GALNT15: variants seen among roughly 807,000 people sequenced by gnomAD.
GALNT15 encodes the protein polypeptide N-acetylgalactosaminyltransferase 15, also known as UDP-GalNAc transferase T15.
Under a neutral mutation model 66.8 loss-of-function variants are expected in GALNT15, and 67 were observed. That is an observed-to-expected ratio of 1.00 (90% CI 0.82 to 1.23). GALNT15 has a LOEUF of 1.23. Among genes scored for constraint, GALNT15 ranks in the 50% most tolerant of loss-of-function variants. The probability of loss-of-function intolerance (pLI) is 0.00; values close to 1 mark genes in which losing one functional copy is unlikely to be tolerated. For synonymous variants in GALNT15, 313 were observed against 311.5 expected (o/e 1.00, Z -0.05); for missense variants, 827 against 804.3 (o/e 1.03, Z -0.34).
rs1275072409 is a variant in GALNT15 at position 16,181,916 on chromosome 3, T to C, written c.539+6226T>C. ...GCCGCAGCAGAGGCAGTACCTCCTC[T>C]GGACCTCCACTCTGGATCCATCACC... On this transcript the variant is annotated intron_variant, in intron 1 of 9. Transcript: ENST00000339732. The surrounding 1 kb of genome is among the most constrained non-coding windows in gnomAD (Gnocchi z 5.9). 2.6e-5 allele frequency among the ~76,000 whole-genome samples: 4 copies of C among 152,184 alleles called. No individual in the cohort carries two copies. The highest frequency in any genetic ancestry group is 2.1e-4 in the South Asian group (1 of 4,830).
downstream of GALNT15, among the ~76,000 whole-genome samples, chr3:16,236,015 G>T (rs1693203628): frequency 6.8e-6 from 1 of 146,908 alleles, no homozygotes; most frequent in South Asian, 2.2e-4. Context: ...TGAGGCAGGA[G>T]AATCACTTGA....
At chr3:16,213,617 C>T (rs893191333) in intron 6 of GALNT15, among the ~76,000 whole-genome samples, 8 of 152,174 alleles carry the variant, frequency 5.3e-5, no homozygotes, top group African/African-American at 1.9e-4. Flanking sequence ...AATGGGTTCA[C>T]ATTAATGCTT....
rs148847033 is a variant in GALNT15, at chr3:16,228,903, C to T, written c.*1403C>T. On this transcript the variant is annotated 3_prime_UTR_variant, in exon 10 of 10. Coordinates refer to ENST00000339732, the MANE Select transcript of GALNT15 (RefSeq NM_054110.5). ...AATGTCCATGAGTGTGGGAAGAACA[C>T]GGCTCATCTGGAGCACAGCTGAGGC... 6.7e-4 allele frequency: 665 copies of T among 985,406 alleles called. 4 individuals are homozygous for T. In the African/African-American group the frequency reaches 0.011, roughly 16 times the overall value. 61.0% of individuals were successfully genotyped at this position (985,406 alleles called of 1,614,324 possible).
At chr3:16,220,818 G>T (rs1169710293) in intron 8 of GALNT15, among the ~76,000 whole-genome samples, 1 of 152,228 alleles carries the variant, frequency 6.6e-6, no homozygotes, top group Non-Finnish European at 1.5e-5. Flanking sequence ...GCTGGGCTTG[G>T]CAGTGCAGGC....
At chr3:16,221,953 T>C (rs1404050069) in intron 8 of GALNT15, among the ~76,000 whole-genome samples, 2 of 152,300 alleles carry the variant, frequency 1.3e-5, no homozygotes, top group African/African-American at 2.4e-5. Context: ...ATTAAACCCA[T>C]CTAAGCATGA....
At position 16,195,738 on chromosome 3, in the gene GALNT15, T is replaced by C. The variant is rs1482250340; in HGVS notation, c.540-22T>C. On this transcript the variant is annotated intron_variant, in intron 1 of 9. Coordinates refer to ENST00000339732, the MANE Select transcript of GALNT15 (RefSeq NM_054110.5). This position sits in a 1 kb window ranked among gnomAD's most constrained non-coding sequence, Gnocchi z 4.6. ...CTTGTGGCCTTCTCTTCCCCATGGC[T>C]CTCTGGCTCTCTTCCCTGCAGGTGT... 5 of 1,598,546 alleles carry C rather than the reference T, an allele frequency of 3.1e-6. No homozygotes were observed. Among genetic ancestry groups the C allele is most frequent in the Non-Finnish European group, 4.3e-6 (5 of 1,168,968 alleles).
the GALNT15 span, among the ~76,000 whole-genome samples, chr3:16,239,044 A>G: frequency 6.6e-6 from 1 of 152,216 alleles, no homozygotes; most frequent in Non-Finnish European, 1.5e-5. This position sits in a 1 kb window ranked among gnomAD's most constrained non-coding sequence, Gnocchi z 5.2. Context: ...TTACCAGCAC[A>G]AGATGGTCAC....
chr3:16,178,436 A>G (rs942540009), intron 1 of GALNT15, among the ~76,000 whole-genome samples: 4 of 152,170 alleles, frequency 2.6e-5, no homozygotes, highest in African/African-American at 9.7e-5. Context: ...GCGAAGGGAG[A>G]CGATTGGATT....
intron 6 of GALNT15, among the ~76,000 whole-genome samples, chr3:16,216,806 C>T (rs747705875): frequency 6.6e-6 from 1 of 152,196 alleles, no homozygotes; most frequent in Non-Finnish European, 1.5e-5. Flanking sequence ...AGGTCATGTA[C>T]CAGTTAAACG....
intron 8 of GALNT15, among the ~76,000 whole-genome samples, chr3:16,222,003 G>C (rs1183010188): frequency 6.6e-6 from 1 of 152,220 alleles, no homozygotes; most frequent in Non-Finnish European, 1.5e-5. Flanking sequence ...CCATGAAGTT[G>C]ATCCTGTCTG....
At chr3:16,223,464 T>C (rs78814078) in intron 9 of GALNT15, among the ~76,000 whole-genome samples, 2,037 of 152,216 alleles carry the variant, frequency 0.013, 26 homozygotes, top group Middle Eastern at 0.034. Context: ...AAGAAATAAA[T>C]ACACACCTTT....
At position 16,195,664 on chromosome 3, in the gene GALNT15, G is replaced by A. The variant is rs556725236; in HGVS notation, c.540-96G>A. On this transcript the variant is annotated intron_variant, in intron 1 of 9. Transcript: ENST00000339732. This position sits in a 1 kb window ranked among gnomAD's most constrained non-coding sequence, Gnocchi z 4.6. ...CCCATAGGACAGCCATATAATGGGG[G>A]CAGCTCCAGCCAGAGCAAAGGAAGC... is the stretch of plus-strand genomic sequence containing the variant. 6.4e-6 allele frequency: 7 copies of A among 1,090,784 alleles called. No homozygotes were observed. Among genetic ancestry groups the A allele is most frequent in the South Asian group, 1.7e-5 (1 of 58,216 alleles). The allele number at this position is 1,090,784 out of a possible 1,614,324, so 67.6% of individuals were successfully genotyped here.
Position 16,227,475 on chromosome 3 carries a change from A to C in GALNT15, c.1895A>C (p.Gln632Pro), listed in dbSNP as rs1437495885. 1 of 1,614,224 alleles carries C rather than the reference A, an allele frequency of 6.2e-7. No homozygotes were observed. Among genetic ancestry groups the C allele is most frequent in the Non-Finnish European group, 8.5e-7 (1 of 1,180,028 alleles). ...GKARQQWRFD[Q>P]INAVDER is the part of the protein sequence containing the mutation. ...GCCCGCCAGCAGTGGCGTTTTGACC[A>C]GATCAATGCTGTGGATGAACGATGA... is the stretch of plus-strand genomic sequence containing the variant. The change falls in exon 10 of 10, where the codon CAG becomes CCG. Residue 632 changes from glutamine (Q) to proline (P), a missense_variant. Physicochemically the swap from Gln to Pro is moderately conservative, Grantham distance 76. Transcript: ENST00000339732. This position sits in a 1 kb window ranked among gnomAD's most constrained non-coding sequence, Gnocchi z 4.5.
downstream of GALNT15, among the ~76,000 whole-genome samples, chr3:16,231,320 A>G (rs2064079769): frequency 6.6e-6 from 1 of 152,082 alleles, no homozygotes; most frequent in South Asian, 2.1e-4. The surrounding 1 kb of genome is among the most constrained non-coding windows in gnomAD (Gnocchi z 4.1). Flanking sequence ...ACTTAAAGTA[A>G]AATAAATAAT....
Position 16,175,087 on chromosome 3 carries a change from A to G in GALNT15, c.-65A>G. 6.7e-7 allele frequency: 1 copy of G among 1,492,488 alleles called. No homozygotes were observed. The allele number at this position is 1,492,488 out of a possible 1,614,324, so 92.5% of individuals were successfully genotyped here. A position where few individuals can be genotyped will look rare whatever the true frequency, so the allele number is the denominator to read the frequency against. ...AACCCAGGTTCTGCTGCAAGCTTGAAGGAGCCTGGAGCGGGAGAAAGCTAA... is the reference window on the plus strand; with the variant it reads ...AACCCAGGTTCTGCTGCAAGCTTGAGGGAGCCTGGAGCGGGAGAAAGCTAA... On this transcript the variant is annotated 5_prime_UTR_variant, in exon 1 of 10. Coordinates refer to ENST00000339732, the MANE Select transcript of GALNT15 (RefSeq NM_054110.5). The surrounding 1 kb of genome is among the most constrained non-coding windows in gnomAD (Gnocchi z 5.6).
chr3:16,194,601 CTAGA>C (rs2063612773), intron 1 of GALNT15, among the ~76,000 whole-genome samples: 2 of 152,128 alleles, frequency 1.3e-5, no homozygotes, highest in South Asian at 4.1e-4. Flanking sequence ...CAATGATAGA[CTAGA>C]TAAAGAAAAT....
chr3:16,185,155 T>G (rs1389330578), intron 1 of GALNT15, among the ~76,000 whole-genome samples: 3 of 152,178 alleles, frequency 2.0e-5, no homozygotes, highest in Non-Finnish European at 4.4e-5. Context: ...ATCTGTTAAA[T>G]GACTTGATAG....
In GALNT15 at chr3:16,187,130, G is replaced by A. The variant is rs1474619030; in HGVS notation, c.540-8630G>A. ...AATACAAAAATTAGCGAGGCATGGT[G>A]GTGCATGCCTGTAATCCCAGCTACT... On this transcript the variant is annotated intron_variant, in intron 1 of 9. Coordinates refer to ENST00000339732, the MANE Select transcript of GALNT15 (RefSeq NM_054110.5). This position sits in a 1 kb window ranked among gnomAD's most constrained non-coding sequence, Gnocchi z 5.1. Among the ~76,000 whole-genome samples, 2 of 152,034 alleles carry A rather than the reference G, an allele frequency of 1.3e-5. No homozygotes were observed. The highest frequency in any genetic ancestry group is 4.8e-5 in the African/African-American group (2 of 41,400).
In GALNT15 at chr3:16,186,254, T is replaced by C. The variant is rs1559676707; in HGVS notation, c.540-9506T>C. ...TCAAAACCACAATGAGATGACATTTTACCCCCACTAGGATGGCTGAAGTAA... is the reference window on the plus strand; with the variant it reads ...TCAAAACCACAATGAGATGACATTTCACCCCCACTAGGATGGCTGAAGTAA... On this transcript the variant is annotated intron_variant, in intron 1 of 9. Coordinates refer to ENST00000339732, the MANE Select transcript of GALNT15 (RefSeq NM_054110.5). The surrounding 1 kb of genome is among the most constrained non-coding windows in gnomAD (Gnocchi z 5.1). 2.0e-5 allele frequency among the ~76,000 whole-genome samples: 3 copies of C among 152,242 alleles called. No individual in the cohort carries two copies. The highest frequency in any genetic ancestry group is 4.4e-5 in the Non-Finnish European group (3 of 68,042).
Sources: allele counts gnomAD v4.1 joint callset (sites outside exome capture counted in the v4.1 genomes callset), GRCh38; gene constraint gnomAD v4.1.1; non-coding constraint Gnocchi (gnomAD v3.1); transcripts MANE v1.5; gene names NCBI Gene and HGNC (gene_info 2026-07-23, HGNC 2026-07-21).